GRM3: variants seen among roughly 807,000 people sequenced by gnomAD.
GRM3 encodes metabotropic glutamate receptor 3.
GRM3 carries 26 observed loss-of-function variants against 70.5 expected under a neutral mutation model. That is an observed-to-expected ratio of 0.37 (90% confidence interval 0.27 to 0.51). The LOEUF (loss-of-function observed/expected upper bound fraction) is 0.51. GRM3 is among the 20% of genes least tolerant of loss of function. The probability of loss-of-function intolerance (pLI) is 0.93; values close to 1 mark genes in which losing one functional copy is unlikely to be tolerated. For missense variants in GRM3, 859 were observed against 1,123.8 expected (o/e 0.76, Z 3.37); for synonymous variants, 443 against 434.9 (o/e 1.02, Z -0.23).
At chr7:86,864,112 T>G (rs1185365453) in intron 5 of GRM3, among the ~76,000 whole-genome samples, 170 bp from the exon 6 acceptor site, 1 of 149,164 alleles carries the variant, frequency 6.7e-6, no homozygotes, top group African/African-American at 2.6e-5. Flanking sequence ...GAGATTTTGG[T>G]GCACCCATCA....
intron 1 of GRM3, among the ~76,000 whole-genome samples, chr7:86,723,708 A>G (rs1795527459): frequency 6.6e-6 from 1 of 152,156 alleles, no homozygotes; most frequent in Non-Finnish European, 1.5e-5. Flanking sequence ...ACTTAACAAA[A>G]CTGATTACAA....
intron 1 of GRM3, among the ~76,000 whole-genome samples, chr7:86,672,604 G>GTT (rs138432194): frequency 2.7e-5 from 4 of 147,368 alleles, no homozygotes; most frequent in African/African-American, 9.9e-5. Flanking sequence ...TTTTGTTTTT[G>GTT]TTTTTTTTTT....
intron 1 of GRM3, among the ~76,000 whole-genome samples, chr7:86,680,052 A>G (rs1794406459): frequency 6.6e-6 from 1 of 152,144 alleles, no homozygotes; most frequent in South Asian, 2.1e-4. Context: ...CAGAACAAGG[A>G]ATGTACCAGG....
intron 1 of GRM3, among the ~76,000 whole-genome samples, chr7:86,760,831 T>G (rs1796461176): frequency 6.6e-6 from 1 of 152,148 alleles, no homozygotes; most frequent in South Asian, 2.1e-4. Flanking sequence ...ACATTAAATG[T>G]TACTTAGATA....
chr7:86,696,867 T>C (rs140285189), intron 1 of GRM3, among the ~76,000 whole-genome samples: 7 of 152,284 alleles, frequency 4.6e-5, no homozygotes, highest in African/African-American at 1.4e-4. Flanking sequence ...AAGACCAAGA[T>C]TCCAACCCAA....
intron 3 of GRM3, among the ~76,000 whole-genome samples, chr7:86,819,989 G>A (rs1047620706): frequency 6.6e-6 from 1 of 152,062 alleles, no homozygotes; most frequent in Non-Finnish European, 1.5e-5. Flanking sequence ...TTCCCAGATG[G>A]CCACATTGAA....
At chr7:86,681,760 A>C (rs962597577) in intron 1 of GRM3, among the ~76,000 whole-genome samples, 3 of 152,140 alleles carry the variant, frequency 2.0e-5, no homozygotes, top group African/African-American at 7.2e-5. Flanking sequence ...CATCTTCATG[A>C]TTTCAACAAG....
intron 1 of GRM3, among the ~76,000 whole-genome samples, chr7:86,648,111 G>C (rs139684243): frequency 0.013 from 2,020 of 152,270 alleles, 59 homozygotes; most frequent in African/African-American, 0.046. Flanking sequence ...TTACAGGAGA[G>C]AATACAAAGA....
intron 3 of GRM3, among the ~76,000 whole-genome samples, chr7:86,803,362 T>C (rs1392150322): frequency 2.0e-5 from 3 of 152,196 alleles, no homozygotes; most frequent in African/African-American, 7.2e-5. Flanking sequence ...TTCTTTTCAG[T>C]AGAGAAATTT....
chr7:86,694,652 T>C (rs1183629692), intron 1 of GRM3, among the ~76,000 whole-genome samples: 1 of 152,096 alleles, frequency 6.6e-6, no homozygotes, highest in Non-Finnish European at 1.5e-5. Context: ...TAATAAATTA[T>C]ATAAAAGGTA....
At chr7:86,733,139 C>T (rs916045698) in intron 1 of GRM3, among the ~76,000 whole-genome samples, 4 of 151,780 alleles carry the variant, frequency 2.6e-5, no homozygotes, top group Admixed American at 2.0e-4. Flanking sequence ...ATGGTGAAAC[C>T]CCATCTCTAC....
intron 3 of GRM3, among the ~76,000 whole-genome samples, chr7:86,838,141 T>C (rs1798493161): frequency 6.6e-6 from 1 of 152,126 alleles, no homozygotes; most frequent in South Asian, 2.1e-4. Context: ...AAAGTCTACT[T>C]ACGTAGATTC....
At position 86,850,468 on chromosome 7, in the gene GRM3, C is replaced by G; in HGVS notation, c.2490C>G (p.Pro830=). 1 of 1,611,894 alleles carries G rather than the reference C, an allele frequency of 6.2e-7. No homozygotes were observed. Among genetic ancestry groups the G allele is most frequent in the Non-Finnish European group, 8.5e-7 (1 of 1,178,196 alleles). Residue 830 remains proline (P), a synonymous_variant, in exon 5 of 6, where the codon CCC becomes CCG. Transcript: ENST00000361669. ...APKVHIILFQ[P]QKNVVTHRLH... ...AGGTTCACATCATCCTGTTTCAACC[C>G]CAGAAGAATGTTGTCACACACAGAC...
rs74740365 is a variant in GRM3 at position 86,655,718 on chromosome 7, C to T, written c.-141+10846C>T. ...CTTACTAACTCAAGTTCTGAATCCTCCAAAGTTAGGGGTGGAAGGTAGGCG... is the reference window on the plus strand; with the variant it reads ...CTTACTAACTCAAGTTCTGAATCCTTCAAAGTTAGGGGTGGAAGGTAGGCG... On this transcript the variant is annotated intron_variant, in intron 1 of 5. Coordinates refer to ENST00000361669, the MANE Select transcript of GRM3 (RefSeq NM_000840.3). Among the ~76,000 whole-genome samples, 1,059 of 152,028 alleles carry T rather than the reference C, an allele frequency of 7.0e-3. 11 individuals are homozygous for T. The highest frequency in any genetic ancestry group is 0.024 in the African/African-American group (1,011 of 41,442).
intron 1 of GRM3, among the ~76,000 whole-genome samples, chr7:86,705,844 G>A (rs1795044370): frequency 6.6e-6 from 1 of 151,978 alleles, no homozygotes; most frequent in African/African-American, 2.4e-5. Flanking sequence ...ACTTGTCTTT[G>A]AACCATTAAT....
At chr7:86,835,558 C>A (rs1303727281) in intron 3 of GRM3, among the ~76,000 whole-genome samples, 2 of 152,120 alleles carry the variant, frequency 1.3e-5, no homozygotes, top group Non-Finnish European at 2.9e-5. Context: ...ATCTTTCCAA[C>A]ATATATATAT....
intron 1 of GRM3, among the ~76,000 whole-genome samples, chr7:86,716,625 A>T (rs1336036515): frequency 6.6e-6 from 1 of 151,624 alleles, no homozygotes; most frequent in Non-Finnish European, 1.5e-5. Flanking sequence ...GTCAAACAAG[A>T]TCATGGAAGG....
intron 1 of GRM3, among the ~76,000 whole-genome samples, chr7:86,664,540 C>T (rs1156652110): frequency 6.6e-6 from 1 of 151,888 alleles, no homozygotes; most frequent in African/African-American, 2.4e-5. Flanking sequence ...CATTGTTTAT[C>T]TCAATTGTTT....
intron 5 of GRM3, among the ~76,000 whole-genome samples, chr7:86,852,563 C>T (rs561554203): frequency 6.6e-5 from 10 of 152,202 alleles, no homozygotes; most frequent in Admixed American, 2.0e-4. Flanking sequence ...GGTGTTTGAA[C>T]ATTGTTGGAA....
Sources: allele counts gnomAD v4.1 joint callset (sites outside exome capture counted in the v4.1 genomes callset), GRCh38; gene constraint gnomAD v4.1.1; transcripts MANE v1.5; gene names NCBI Gene and HGNC (gene_info 2026-07-23, HGNC 2026-07-21).